GPBP1L1: variants seen among roughly 807,000 people sequenced by gnomAD.
GPBP1L1 encodes vasculin-like protein 1.
A neutral mutation model predicts 52.5 loss-of-function variants in GPBP1L1; 23 were observed. The observed-to-expected ratio is 0.44, with a 90% CI of 0.32 to 0.62. The LOEUF (loss-of-function observed/expected upper bound fraction) is 0.62. GPBP1L1 is among the 20% of genes least tolerant of loss of function. The probability of loss-of-function intolerance (pLI) is 0.06; values close to 1 mark genes in which losing one functional copy is unlikely to be tolerated. For synonymous variants in GPBP1L1, 243 were observed against 203.1 expected (o/e 1.20, Z -1.67); for missense variants, 596 against 579.3 (o/e 1.03, Z -0.30).
intron 10 of GPBP1L1, among the ~76,000 whole-genome samples, chr1:45,630,976 A>G (rs538862802): frequency 1.1e-4 from 17 of 152,364 alleles, no homozygotes; most frequent in African/African-American, 3.4e-4. Flanking sequence ...AAATAGTCCA[A>G]TGGGACAGAA....
rs113388167 is a variant in GPBP1L1 at position 45,643,658 on chromosome 1, C to CTTTTTTT, written c.478-1166_478-1160dup. On this transcript the variant is annotated intron_variant, in intron 6 of 12. Coordinates refer to ENST00000355105, the MANE Select transcript of GPBP1L1 (RefSeq NM_021639.5). Reference sequence around the variant, plus strand: ...ATCTGGTAACAGGGTAGGAGAATGGCTTTTTTTTTTTTTTTTTTTTTTTTT... The same window carrying CTTTTTTT: ...ATCTGGTAACAGGGTAGGAGAATGGCTTTTTTTTTTTTTTTTTTTTTTTTTTTTTTTT... Among the ~76,000 whole-genome samples, 42 of 65,142 alleles carry CTTTTTTT rather than the reference C, an allele frequency of 6.4e-4. 4 individuals are homozygous for CTTTTTTT. The highest frequency in any genetic ancestry group is 2.7e-3 in the African/African-American group (42 of 15,656). 42.7% of individuals were successfully genotyped at this position (65,142 alleles called of 152,430 possible).
intron 10 of GPBP1L1, among the ~76,000 whole-genome samples, chr1:45,633,073 G>C (rs1644550414): frequency 6.6e-6 from 1 of 152,202 alleles, no homozygotes; most frequent in South Asian, 2.1e-4. Context: ...AATGCAAAAT[G>C]GCACAACCAC....
chr1:45,653,533 A>T (rs2148467796), intron 6 of GPBP1L1, among the ~76,000 whole-genome samples: 1 of 151,600 alleles, frequency 6.6e-6, no homozygotes, highest in East Asian at 1.9e-4. Flanking sequence ...TTTTTCAAAA[A>T]TTTTTTATAG....
intron 10 of GPBP1L1, among the ~76,000 whole-genome samples, chr1:45,631,653 C>G (rs914492450): frequency 3.3e-5 from 5 of 152,176 alleles, no homozygotes; most frequent in Non-Finnish European, 5.9e-5. Flanking sequence ...AGTGTAGTTG[C>G]TCACACCTGT....
chr1:45,654,210 G>C (rs1384696831), intron 6 of GPBP1L1: 3 of 186,348 alleles, frequency 1.6e-5, no homozygotes, highest in African/African-American at 7.1e-5. Context: ...GAGAAAAAAT[G>C]TTTTATCATA....
chr1:45,676,629 G>C (rs930211806), intron 2 of GPBP1L1, among the ~76,000 whole-genome samples: 3 of 149,106 alleles, frequency 2.0e-5, no homozygotes, highest in Non-Finnish European at 4.4e-5. Context: ...AGAATAGCTT[G>C]AACTCGGGAG....
At chr1:45,673,571 T>C (rs1485325906) in intron 2 of GPBP1L1, among the ~76,000 whole-genome samples, 2 of 152,198 alleles carry the variant, frequency 1.3e-5, no homozygotes, top group African/African-American at 2.4e-5. Flanking sequence ...CTTTTAAATA[T>C]TTGTTTTCGG....
intron 6 of GPBP1L1, among the ~76,000 whole-genome samples, chr1:45,648,666 G>A (rs1644783350): frequency 1.3e-5 from 2 of 152,210 alleles, no homozygotes; most frequent in Non-Finnish European, 2.9e-5. Flanking sequence ...CTTTGACGTA[G>A]ATGGCATCTG....
intron 6 of GPBP1L1, among the ~76,000 whole-genome samples, chr1:45,647,602 T>C (rs1197759537): frequency 6.6e-6 from 1 of 152,198 alleles, no homozygotes; most frequent in Non-Finnish European, 1.5e-5. Context: ...CCTGTTCCTG[T>C]GTGTTTTTCA....
chr1:45,628,344 G>C lies in GPBP1L1; in HGVS notation c.1337C>G (p.Pro446Arg). 6.2e-7 allele frequency: 1 copy of C among 1,613,916 alleles called. No homozygotes were observed. Among genetic ancestry groups the C allele is most frequent in the Non-Finnish European group, 8.5e-7 (1 of 1,179,852 alleles). Residue 446 changes from proline to arginine, a missense_variant, in exon 13 of 13, where the codon CCT becomes CGT. Physicochemically the swap from Pro to Arg is moderately radical, Grantham distance 103 (BLOSUM62 -2). Transcript: ENST00000355105. ...CTCTGCTTTGCAAGTGCTTCTCCAA[G>C]GGGAGAACAGACTGGAACTGCGGCT... The part of the protein sequence containing the change: ...LQSRSSSLFS[P>R]WRSTCKAEFE...
chr1:45,633,820 T>A, intron 9 of GPBP1L1, 173 bp from the exon 10 acceptor site: 1 of 718,044 alleles, frequency 1.4e-6, no homozygotes, highest in Non-Finnish European at 2.2e-6. Flanking sequence ...TTTATATAGT[T>A]AAGAGCAGCT....
At chr1:45,639,827 G>C (rs1443714798) in intron 8 of GPBP1L1, among the ~76,000 whole-genome samples, 8 of 152,022 alleles carry the variant, frequency 5.3e-5, no homozygotes, top group African/African-American at 1.9e-4. Context: ...GCAGTGAGCT[G>C]AGATCGTGCC....
chr1:45,669,299 G>A (rs1031504294), intron 2 of GPBP1L1, among the ~76,000 whole-genome samples: 2 of 152,194 alleles, frequency 1.3e-5, no homozygotes, highest in Non-Finnish European at 2.9e-5. Context: ...CCAAGTAGCT[G>A]AGACAATAGG....
At chr1:45,666,829 ATACTG>A (rs1645016161) in intron 2 of GPBP1L1, among the ~76,000 whole-genome samples, 1 of 152,262 alleles carries the variant, frequency 6.6e-6, no homozygotes, top group Admixed American at 6.5e-5. Context: ...AATGAACAAA[ATACTG>A]TATATTCACA....
chr1:45,650,711 T>C (rs1446382415), intron 6 of GPBP1L1, among the ~76,000 whole-genome samples: 2 of 152,230 alleles, frequency 1.3e-5, no homozygotes, highest in Non-Finnish European at 2.9e-5. Context: ...TGTTCCTTCT[T>C]CAGCTAACCA....
intron 10 of GPBP1L1, 111 bp downstream of exon 10, chr1:45,633,378 T>A: frequency 1.8e-6 from 2 of 1,124,980 alleles, no homozygotes; most frequent in Non-Finnish European, 2.6e-6. Flanking sequence ...ACAGACAGTA[T>A]CTCTGTACAT....
Position 45,660,884 on chromosome 1 carries a change from G to A in GPBP1L1, c.-756C>T, listed in dbSNP as rs1301310314. The A allele has an allele frequency of 6.6e-6, 1 of 151,942 alleles. No homozygotes were observed. Among genetic ancestry groups the A allele is most frequent in the Non-Finnish European group, 1.5e-5 (1 of 67,988 alleles). 9.4% of individuals were successfully genotyped at this position (151,942 alleles called of 1,614,324 possible). On this transcript the variant is annotated 5_prime_UTR_variant, in exon 3 of 13. Coordinates refer to ENST00000355105, the MANE Select transcript of GPBP1L1 (RefSeq NM_021639.5). Reference sequence around the variant, plus strand: ...GAATTTGCTACACTTTTCCCTCCACGAACAGCAGCTTTCAAGGCAAATTTC... The same window carrying A: ...GAATTTGCTACACTTTTCCCTCCACAAACAGCAGCTTTCAAGGCAAATTTC...
chr1:45,630,728 AG>A (rs1644519586), intron 10 of GPBP1L1, 122 bp from the exon 11 acceptor site: 2 of 1,116,986 alleles, frequency 1.8e-6, no homozygotes, highest in Non-Finnish European at 1.2e-6. Flanking sequence ...CTCAGCCCAC[AG>A]ATTTTTTTCC....
intron 6 of GPBP1L1, chr1:45,645,958 T>C (rs747822877): frequency 2.0e-4 from 100 of 494,574 alleles, no homozygotes; most frequent in Non-Finnish European, 3.5e-4. Flanking sequence ...TTCTAGATCT[T>C]TGAGTTGCAA....
Sources: gnomAD v4.1 joint callset for allele counts (sites outside exome capture counted in the v4.1 genomes callset) on GRCh38, gnomAD v4.1.1 for gene constraint, MANE v1.5 for transcripts, NCBI Gene and HGNC (gene_info 2026-07-23, HGNC 2026-07-21) for gene names.